Variants in TMTC3 observed in about 807,000 individuals in gnomAD.
TMTC3 encodes the protein transmembrane O-mannosyltransferase targeting cadherins 3, also known as protein O-mannosyl-transferase TMTC3.
A neutral mutation model predicts 92.2 loss-of-function variants in TMTC3; 52 were observed. The observed-to-expected ratio is 0.56, with a 90% CI of 0.45 to 0.71. The LOEUF (loss-of-function observed/expected upper bound fraction) is 0.71, where lower values mean the gene tolerates loss of function less well. Among genes scored for constraint, TMTC3 ranks in the 30% least tolerant of loss-of-function variants. TMTC3 has a pLI of 0.00. For synonymous variants in TMTC3, 339 were observed against 363.3 expected (o/e 0.93, Z 0.76); for missense variants, 896 against 1,057.1 (o/e 0.85, Z 2.11).
chr12:88,161,534 A>G (rs1381774645), intron 6 of TMTC3, among the ~76,000 whole-genome samples: 6 of 152,052 alleles, frequency 3.9e-5, no homozygotes. Flanking sequence ...GGGATATATC[A>G]TTGATTTATA....
intron 1 of TMTC3, among the ~76,000 whole-genome samples, chr12:88,146,967 T>C (rs957464805): frequency 1.3e-5 from 2 of 150,348 alleles, no homozygotes; most frequent in East Asian, 1.9e-4. Context: ...GCAGCTAATA[T>C]ATCAAAGTCT....
At chr12:88,186,643 G>C (rs1417567894) in intron 10 of TMTC3, among the ~76,000 whole-genome samples, 2 of 151,980 alleles carry the variant, frequency 1.3e-5, no homozygotes, top group Non-Finnish European at 2.9e-5. Context: ...AAATGTCATT[G>C]ATTTTTTACA....
chr12:88,152,178 C>A (rs2040950904), intron 2 of TMTC3, among the ~76,000 whole-genome samples: 1 of 152,162 alleles, frequency 6.6e-6, no homozygotes. Context: ...GCATATGGAT[C>A]TGCACACTGT....
At chr12:88,171,484 C>T (rs550448604) in intron 7 of TMTC3, among the ~76,000 whole-genome samples, 1 of 152,238 alleles carries the variant, frequency 6.6e-6, no homozygotes, top group East Asian at 1.9e-4. Context: ...GCTTATTTCT[C>T]TTAACATGGT....
chr12:88,198,716 CT>C lies in TMTC3; in HGVS notation c.*3070del, dbSNP rs923771257. The C allele has an allele frequency of 3.6e-6, 1 of 280,416 alleles. No individual in the cohort carries two copies. The highest frequency in any genetic ancestry group is 6.6e-6 in the Non-Finnish European group (1 of 152,640). The allele number at this position is 280,416 out of a possible 1,614,324, so 17.4% of individuals were successfully genotyped here. On this transcript the variant is annotated 3_prime_UTR_variant, in exon 14 of 14. Coordinates refer to ENST00000266712, the MANE Select transcript of TMTC3 (RefSeq NM_181783.4). The stretch of plus-strand genomic sequence containing the variant: ...ACTCTCAACTTCATGTTACAGAATG[CT>C]TTAAAGATGCTTTAATGAAAAGTAT...
chr12:88,194,440 GAAGTT>G (rs1244242000), intron 13 of TMTC3, among the ~76,000 whole-genome samples: 1 of 152,096 alleles, frequency 6.6e-6, no homozygotes, highest in Non-Finnish European at 1.5e-5. Context: ...TTAACCCAGA[GAAGTT>G]AAGTAACATG....
At chr12:88,157,705 T>A (rs756173831) in intron 4 of TMTC3, among the ~76,000 whole-genome samples, 9 of 152,110 alleles carry the variant, frequency 5.9e-5, no homozygotes, top group Non-Finnish European at 1.2e-4. Flanking sequence ...ACATGTAGAG[T>A]CAGTTTAGAA....
At chr12:88,163,701 C>A (rs1388461680) in intron 6 of TMTC3, among the ~76,000 whole-genome samples, 1 of 152,038 alleles carries the variant, frequency 6.6e-6, no homozygotes, top group East Asian at 1.9e-4. Flanking sequence ...GTATCTCTTT[C>A]TTCTCTTTTT....
intron 10 of TMTC3, among the ~76,000 whole-genome samples, chr12:88,184,146 A>ACAAGAGAGTGCAGCAGCCAC (rs2041349816): frequency 6.6e-6 from 1 of 152,102 alleles, no homozygotes; most frequent in Non-Finnish European, 1.5e-5. Flanking sequence ...AGCACCACCA[A>ACAAGAGAGTGCAGCAGCCAC]CAAGAGAGTG....
At chr12:88,175,688 C>G (rs936488889) in intron 9 of TMTC3, among the ~76,000 whole-genome samples, 2 of 152,166 alleles carry the variant, frequency 1.3e-5, no homozygotes, top group Non-Finnish European at 2.9e-5. Context: ...AACCTATAGC[C>G]ACAACGACTG....
At chr12:88,185,805 G>A (rs371928323) in intron 10 of TMTC3, among the ~76,000 whole-genome samples, 8 of 151,266 alleles carry the variant, frequency 5.3e-5, no homozygotes, top group African/African-American at 1.9e-4. Flanking sequence ...ATGATGATAA[G>A]GTTTTTATTT....
chr12:88,177,147 G>A (rs1038783696), intron 10 of TMTC3, among the ~76,000 whole-genome samples: 16 of 152,012 alleles, frequency 1.1e-4, no homozygotes, highest in Admixed American at 6.6e-5. Context: ...GCAACATGGT[G>A]AAACCCCATC....
Position 88,166,363 on chromosome 12 carries a change from T to G in TMTC3, c.831T>G (p.Pro277=). 6.2e-7 allele frequency: 1 copy of G among 1,613,990 alleles called. No homozygotes were observed. Residue 277 remains proline, a synonymous_variant, in exon 7 of 14, where the codon CCT becomes CCG. Transcript: ENST00000266712. Reference sequence around the variant, plus strand: ...ACCCAGCTGCTGTAAGCCCAACTCCTACAAGGCAACTAACTTTTAACTACC... The same window carrying G: ...ACCCAGCTGCTGTAAGCCCAACTCCGACAAGGCAACTAACTTTTAACTACC... ...FDNPAAVSPT[P]TRQLTFNYLL...
chr12:88,162,704 C>T (rs546073007), intron 6 of TMTC3, among the ~76,000 whole-genome samples: 317 of 152,240 alleles, frequency 2.1e-3, no homozygotes, highest in Non-Finnish European at 3.2e-3. Context: ...CTAATTCTAT[C>T]ATCTGTGTCA....
intron 10 of TMTC3, among the ~76,000 whole-genome samples, chr12:88,178,176 C>T (rs1386785161): frequency 6.6e-6 from 1 of 152,132 alleles, no homozygotes; most frequent in East Asian, 1.9e-4. Context: ...CTTGAAAGGG[C>T]TAAAGGTAAC....
At chr12:88,173,234 A>G in intron 8 of TMTC3, 1 of 417,662 alleles carries the variant, frequency 2.4e-6, no homozygotes, top group Non-Finnish European at 3.8e-6. Context: ...CACTGTATAT[A>G]TGCTTAGGAA....
chr12:88,152,625 C>T (rs2040956727), intron 2 of TMTC3, among the ~76,000 whole-genome samples: 1 of 151,960 alleles, frequency 6.6e-6, no homozygotes, highest in Non-Finnish European at 1.5e-5. Context: ...TTAAATGTAA[C>T]TTATAATTTA....
chr12:88,197,124 C>CTAAT lies in TMTC3; in HGVS notation c.*1477_*1480dup, dbSNP rs1389537210. ...ATATTTTTTAGTTCCTTTGAGATAA[C>CTAAT]TAATTTCTAATTATATATGTTTCAA... is the stretch of plus-strand genomic sequence containing the variant. On this transcript the variant is annotated 3_prime_UTR_variant, in exon 14 of 14. Coordinates refer to ENST00000266712, the MANE Select transcript of TMTC3 (RefSeq NM_181783.4). The CTAAT allele has an allele frequency of 6.6e-6, 1 of 151,820 alleles. No individual in the cohort carries two copies. The highest frequency in any genetic ancestry group is 1.5e-5 in the Non-Finnish European group (1 of 67,732). 9.4% of individuals were successfully genotyped at this position (151,820 alleles called of 1,614,324 possible). A position where few individuals can be genotyped will look rare whatever the true frequency, so the allele number is the denominator to read the frequency against.
At chr12:88,194,520 C>A (rs931252945) in intron 13 of TMTC3, among the ~76,000 whole-genome samples, 1 of 152,010 alleles carries the variant, frequency 6.6e-6, no homozygotes, top group Non-Finnish European at 1.5e-5. Flanking sequence ...TTGGCAAATC[C>A]CATGCTTCTT....
Sources: gnomAD v4.1 joint callset for allele counts (sites outside exome capture counted in the v4.1 genomes callset) on GRCh38, gnomAD v4.1.1 for gene constraint, MANE v1.5 for transcripts, NCBI Gene and HGNC (gene_info 2026-07-23, HGNC 2026-07-21) for gene names.